The following MUCL1 variants were observed in gnomAD, a reference collection of about 807,000 sequenced individuals.
MUCL1 encodes mucin-like protein 1.
In MUCL1, 11 loss-of-function variants were observed where a neutral mutation model predicts 9.2. The ratio of observed to expected loss-of-function variants is 1.19; its 90% confidence interval spans 0.75 to 1.97. The LOEUF (loss-of-function observed/expected upper bound fraction) is 1.97, where lower values mean the gene tolerates loss of function less well. MUCL1 is among the 30% of genes most tolerant of loss of function. The pLI, the probability that MUCL1 is intolerant of heterozygous loss-of-function variation, is 0.00. For synonymous variants in MUCL1, 48 were observed against 40.5 expected (o/e 1.19, Z -0.71); for missense variants, 144 against 110.9 (o/e 1.30, Z -1.34).
At chr12:54,858,070 C>A in intron 3 of MUCL1, 123 bp from the exon 4 acceptor site, 2 of 1,162,064 alleles carry the variant, frequency 1.7e-6, no homozygotes, top group Non-Finnish European at 2.5e-6. Flanking sequence ...ATCCCATGTT[C>A]CTTTCGAATC....
upstream of MUCL1, among the ~76,000 whole-genome samples, chr12:54,852,267 C>T (rs1361657015): frequency 2.6e-5 from 4 of 152,176 alleles, no homozygotes; most frequent in East Asian, 5.8e-4. Flanking sequence ...TACTACAAGG[C>T]TACAATAACC....
upstream of MUCL1, among the ~76,000 whole-genome samples, chr12:54,853,351 C>A (rs1406677192): frequency 6.6e-6 from 1 of 152,144 alleles, no homozygotes; most frequent in Non-Finnish European, 1.5e-5. Flanking sequence ...TCCTCCCTTG[C>A]TGTCTTTACT....
chr12:54,857,072 C>A (rs1361545563), intron 3 of MUCL1, among the ~76,000 whole-genome samples, 180 bp downstream of exon 3: 1 of 151,928 alleles, frequency 6.6e-6, no homozygotes, highest in Non-Finnish European at 1.5e-5. Context: ...CAGGAGGTTA[C>A]CTGACTCCTA....
upstream of MUCL1, among the ~76,000 whole-genome samples, chr12:54,852,294 G>T (rs962599050): frequency 5.5e-4 from 84 of 152,224 alleles, no homozygotes; most frequent in African/African-American, 1.9e-3. Flanking sequence ...GCATGGTACT[G>T]GTACCAAAAC....
intron 1 of MUCL1, among the ~76,000 whole-genome samples, 193 bp from the exon 2 acceptor site, chr12:54,854,923 A>T (rs1868287846): frequency 6.6e-6 from 1 of 152,148 alleles, no homozygotes; most frequent in Non-Finnish European, 1.5e-5. Flanking sequence ...GAAAGGAAAA[A>T]TGACCACATA....
chr12:54,835,294 A>T (rs558061128), upstream of MUCL1, among the ~76,000 whole-genome samples: 8 of 152,128 alleles, frequency 5.3e-5, no homozygotes, highest in Non-Finnish European at 1.2e-4. Context: ...GCTGGATCAA[A>T]CAGTAGATCT....
At chr12:54,833,349 A>G (rs1348660522) in intron 1 of MUCL1, among the ~76,000 whole-genome samples, 1 of 152,068 alleles carries the variant, frequency 6.6e-6, no homozygotes, top group African/African-American at 2.4e-5. Context: ...AGTTTCAATA[A>G]TATTTTCTAG....
At chr12:54,836,185 A>G (rs1174748811), upstream of MUCL1, among the ~76,000 whole-genome samples, 2 of 152,152 alleles carry the variant, frequency 1.3e-5, no homozygotes, top group Non-Finnish European at 2.9e-5. Context: ...AAGGTCTGGT[A>G]GACTTTGGCT....
intron 1 of MUCL1, among the ~76,000 whole-genome samples, chr12:54,832,638 C>T (rs187060681): frequency 0.012 from 1,798 of 152,220 alleles, 38 homozygotes; most frequent in African/African-American, 0.041. Flanking sequence ...CTCTAACAAT[C>T]GGATGCTTTA....
intron 1 of MUCL1, among the ~76,000 whole-genome samples, chr12:54,846,531 C>G (rs1959259238): frequency 6.6e-6 from 1 of 152,032 alleles, no homozygotes; most frequent in Non-Finnish European, 1.5e-5. Context: ...GGCAGCCCTT[C>G]AACATTAGTG....
intron 2 of MUCL1, among the ~76,000 whole-genome samples, chr12:54,856,486 C>T (rs1419625633): frequency 6.6e-6 from 1 of 152,284 alleles, no homozygotes. Context: ...ACACTCGTGG[C>T]CTTGGTCTTT....
At position 54,854,521 on chromosome 12, in the gene MUCL1, C is replaced by T. The variant is rs1342809099; in HGVS notation, c.-62C>T. ...GGATGTGGAATCCTGAAGTCAGCGCCTTGCCTTCTCTTAGGCTTTGAAGCA... is the reference window on the plus strand; with the variant it reads ...GGATGTGGAATCCTGAAGTCAGCGCTTTGCCTTCTCTTAGGCTTTGAAGCA... On this transcript the variant is annotated 5_prime_UTR_variant, in exon 1 of 4. Coordinates refer to ENST00000308796, the MANE Select transcript of MUCL1 (RefSeq NM_058173.3). The T allele has an allele frequency of 1.3e-5, 18 of 1,384,076 alleles. No individual in the cohort carries two copies. Among genetic ancestry groups the T allele is most frequent in the Non-Finnish European group, 1.8e-5 (18 of 980,714 alleles). 85.7% of individuals were successfully genotyped at this position (1,384,076 alleles called of 1,614,324 possible). A position where few individuals can be genotyped will look rare whatever the true frequency, so the allele number is the denominator to read the frequency against.
intron 1 of MUCL1, among the ~76,000 whole-genome samples, chr12:54,844,711 C>G (rs1049569826): frequency 1.3e-5 from 2 of 152,202 alleles, no homozygotes; most frequent in Non-Finnish European, 2.9e-5. Flanking sequence ...CAACAACAAG[C>G]TTTAGTCTTG....
upstream of MUCL1, among the ~76,000 whole-genome samples, chr12:54,850,693 T>A (rs1179387607): frequency 6.6e-6 from 1 of 152,204 alleles, no homozygotes; most frequent in Non-Finnish European, 1.5e-5. Context: ...GATGGCTGGG[T>A]CAAATGGTAT....
intron 1 of MUCL1, 69 bp from the exon 2 acceptor site, chr12:54,855,046 AT>A (rs1199792851): frequency 7.4e-7 from 1 of 1,346,898 alleles, no homozygotes; most frequent in African/African-American, 1.4e-5. Flanking sequence ...TATTGTCCAT[AT>A]TCTCTCTTAC....
upstream of MUCL1, among the ~76,000 whole-genome samples, chr12:54,835,407 C>T (rs1329070216): frequency 6.6e-6 from 1 of 152,126 alleles, no homozygotes; most frequent in Non-Finnish European, 1.5e-5. Context: ...ACCACCTCTA[C>T]ACCAACATCT....
chr12:54,838,305 T>A (rs971214196), upstream of MUCL1, among the ~76,000 whole-genome samples: 4 of 152,214 alleles, frequency 2.6e-5, no homozygotes, highest in African/African-American at 2.4e-5. Flanking sequence ...CTGCTGTTAG[T>A]TTGATATGTT....
chr12:54,833,050 G>A (rs576846074), intron 1 of MUCL1, among the ~76,000 whole-genome samples: 15 of 152,056 alleles, frequency 9.9e-5, no homozygotes, highest in South Asian at 2.1e-4. Context: ...AGCACTATTC[G>A]TTACTGTAAC....
chr12:54,832,847 T>A (rs971542408), intron 1 of MUCL1, among the ~76,000 whole-genome samples: 1 of 152,146 alleles, frequency 6.6e-6, no homozygotes, highest in Non-Finnish European at 1.5e-5. Flanking sequence ...GGTAAAATGC[T>A]ATTTTCAAGA....
Sources: gnomAD v4.1 joint callset for allele counts (sites outside exome capture counted in the v4.1 genomes callset) on GRCh38, gnomAD v4.1.1 for gene constraint, MANE v1.5 for transcripts, NCBI Gene and HGNC (gene_info 2026-07-23, HGNC 2026-07-21) for gene names.